The following EFTUD2 variants were observed in gnomAD, a reference collection of about 807,000 sequenced individuals.
The protein encoded by EFTUD2 is elongation factor Tu GTP binding domain containing 2.
Under a neutral mutation model 114.3 loss-of-function variants are expected in EFTUD2, and 9 were observed. The ratio of observed to expected loss-of-function variants is 0.08; its 90% confidence interval spans 0.05 to 0.14. The LOEUF is 0.14. Among genes scored for constraint, EFTUD2 ranks in the 10% least tolerant of loss-of-function variants. The probability of loss-of-function intolerance (pLI) is 1.00; values close to 1 mark genes in which losing one functional copy is unlikely to be tolerated. For missense variants in EFTUD2, 765 were observed against 1,241.2 expected (o/e 0.62, Z 5.76); for synonymous variants, 449 against 462.3 (o/e 0.97, Z 0.37).
At chr17:44,891,769 G>A (rs76096668) in intron 2 of EFTUD2, 8,786 of 152,098 alleles carry the variant, frequency 0.058, 369 homozygotes, top group Middle Eastern at 0.085. Context: ...ACAGAATTGT[G>A]CAACCATCAC....
At chr17:44,867,446 C>A (rs1321556967) in intron 13 of EFTUD2, among the ~76,000 whole-genome samples, 2 of 151,828 alleles carry the variant, frequency 1.3e-5, no homozygotes, top group African/African-American at 4.8e-5. Flanking sequence ...ACTACAGGCG[C>A]CCGCCACCAT....
Position 44,881,862 on chromosome 17 carries a change from C to T in EFTUD2, c.493-140G>A, listed in dbSNP as rs1056802781. The stretch of plus-strand genomic sequence containing the variant: ...AGAGAGAGAGAGCAGGGTGTCCCCA[C>T]AGCAATTACAGACAATGAGACCAGT... On this transcript the variant is annotated intron_variant, in intron 6 of 27. Coordinates refer to ENST00000426333, the MANE Select transcript of EFTUD2 (RefSeq NM_004247.4). The T allele has an allele frequency of 4.3e-5, 31 of 725,304 alleles. No individual in the cohort carries two copies. In the South Asian group the frequency reaches 5.2e-4, roughly 12 times the overall value. The allele number at this position is 725,304 out of a possible 1,614,324, so 44.9% of individuals were successfully genotyped here.
chr17:44,855,035 G>A (rs375605344), intron 20 of EFTUD2, 31 bp from the exon 21 acceptor site: 17 of 1,577,948 alleles, frequency 1.1e-5, no homozygotes, highest in South Asian at 1.0e-4. Flanking sequence ...TGGTAAGGAC[G>A]GCTAACAGAA....
In EFTUD2 at chr17:44,867,899, TA is replaced by T; in HGVS notation, c.1059-3del. 6.3e-7 allele frequency: 1 copy of T among 1,588,890 alleles called. No individual in the cohort carries two copies. The highest frequency in any genetic ancestry group is 8.6e-7 in the Non-Finnish European group (1 of 1,166,646). ...GGGGCCTTTTTGGTGAACTTTCGCC[TA>T]AAAGGAAAAATAAGTTCTGAGTGAC... On this transcript the variant is annotated splice_polypyrimidine_tract_variant and splice_region_variant and intron_variant, in intron 12 of 27. Coordinates refer to ENST00000426333, the MANE Select transcript of EFTUD2 (RefSeq NM_004247.4).
intron 14 of EFTUD2, 117 bp downstream of exon 14, chr17:44,864,813 T>C (rs2050716454): frequency 6.9e-7 from 1 of 1,456,264 alleles, no homozygotes. Flanking sequence ...GAATCTGTGG[T>C]TTGTTGAAAA....
At chr17:44,860,152 C>A in intron 17 of EFTUD2, 107 bp from the exon 18 acceptor site, 1 of 1,508,000 alleles carries the variant, frequency 6.6e-7, no homozygotes, top group South Asian at 1.2e-5. Flanking sequence ...ACTATGTATT[C>A]CCCAACCAGG....
In EFTUD2 at chr17:44,876,069, T is replaced by C. The variant is rs760166112; in HGVS notation, c.734A>G (p.His245Arg). ...VMLNTERLIK[H>R]AVQERLAVTV... ...GACTGCCAGCCTCTCCTGCACCGCA[T>C]GCTTGATCAGCCGCTCTGTGTTCAG... is the stretch of plus-strand genomic sequence containing the variant. Residue 245 changes from histidine (H) to arginine (R), a missense_variant, in exon 10 of 28, where the codon CAT (histidine) becomes CGT (arginine). Physicochemically the swap from His to Arg is conservative, Grantham distance 29. Coordinates refer to ENST00000426333, the MANE Select transcript of EFTUD2 (RefSeq NM_004247.4). 2 of 1,613,966 alleles carry C rather than the reference T, an allele frequency of 1.2e-6. No homozygotes were observed. The highest frequency in any genetic ancestry group is 1.7e-6 in the Non-Finnish European group (2 of 1,179,914).
Position 44,854,177 on chromosome 17 carries a change from G to T in EFTUD2, c.2347+92C>A. 6.9e-7 allele frequency: 1 copy of T among 1,452,164 alleles called. No homozygotes were observed. The highest frequency in any genetic ancestry group is 9.3e-7 in the Non-Finnish European group (1 of 1,074,544). The allele number at this position is 1,452,164 out of a possible 1,614,324, so 90.0% of individuals were successfully genotyped here. On this transcript the variant is annotated intron_variant, in intron 23 of 27. Transcript: ENST00000426333. This position sits in a 1 kb window ranked among gnomAD's most constrained non-coding sequence, Gnocchi z 4.3. ...CTGTGTACCCCAAGCTGCTTCTCCT[G>T]CCGAATCCTAAAGATGGTGAGCCCA...
At chr17:44,858,214 G>T (rs1335182655) in intron 19 of EFTUD2, among the ~76,000 whole-genome samples, 2 of 151,962 alleles carry the variant, frequency 1.3e-5, no homozygotes, top group Non-Finnish European at 2.9e-5. Context: ...GAGCCACCGT[G>T]CTCGGCCTGT....
At chr17:44,867,944 T>A in intron 12 of EFTUD2, 47 bp from the exon 13 acceptor site, 3 of 1,507,128 alleles carry the variant, frequency 2.0e-6, no homozygotes, top group Non-Finnish European at 2.7e-6. Context: ...AAAGGCACTA[T>A]CACTGATCCC....
At chr17:44,880,240 A>T (rs1398577823) in intron 8 of EFTUD2, among the ~76,000 whole-genome samples, 1 of 152,204 alleles carries the variant, frequency 6.6e-6, no homozygotes, top group Admixed American at 6.5e-5. Flanking sequence ...AAGGCCAGGG[A>T]CTGGCTCTGA....
intron 2 of EFTUD2, among the ~76,000 whole-genome samples, chr17:44,890,741 T>A (rs1312672120): frequency 6.6e-6 from 1 of 152,158 alleles, no homozygotes; most frequent in Non-Finnish European, 1.5e-5. Flanking sequence ...ACTAGGAGGC[T>A]ATAACCCTCA....
rs569521856 is a variant in EFTUD2 at position 44,880,397 on chromosome 17, C to A, written c.619+157G>T. 4.7e-5 allele frequency: 26 copies of A among 550,566 alleles called. No homozygotes were observed. The African/African-American group carries it at 4.7e-4, about 10-fold the overall frequency. The allele number at this position is 550,566 out of a possible 1,614,324, so 34.1% of individuals were successfully genotyped here. A position where few individuals can be genotyped will look rare whatever the true frequency, so the allele number is the denominator to read the frequency against. On this transcript the variant is annotated intron_variant, in intron 8 of 27. Coordinates refer to ENST00000426333, the MANE Select transcript of EFTUD2 (RefSeq NM_004247.4). ...TATGATGCTTGCTAAATTAACAAGT[C>A]AGAAACAAAGGAGAGAGTCAAAATG...
chr17:44,869,074 TG>T (rs1279531648), intron 11 of EFTUD2, among the ~76,000 whole-genome samples: 1 of 152,228 alleles, frequency 6.6e-6, no homozygotes, highest in Non-Finnish European at 1.5e-5. Context: ...ATAAAGGGAA[TG>T]CACTGGCTTT....
intron 11 of EFTUD2, among the ~76,000 whole-genome samples, chr17:44,869,567 C>T (rs188170727): frequency 2.0e-5 from 3 of 152,200 alleles, no homozygotes; most frequent in East Asian, 3.9e-4. Flanking sequence ...CCCAAGTGCT[C>T]GGATTACAGG....
intron 2 of EFTUD2, among the ~76,000 whole-genome samples, 183 bp from the exon 3 acceptor site, chr17:44,886,933 G>C (rs1287369256): frequency 1.3e-5 from 2 of 152,128 alleles, no homozygotes; most frequent in Admixed American, 1.3e-4. Context: ...TCTAAGCCGA[G>C]GCCATGGACA....
intron 6 of EFTUD2, 73 bp from the exon 7 acceptor site, chr17:44,881,795 C>T (rs1292591978): frequency 7.3e-7 from 1 of 1,377,070 alleles, no homozygotes; most frequent in East Asian, 2.3e-5. Flanking sequence ...CAATCACTTT[C>T]CCTCACTACC....
chr17:44,851,063 A>T lies in EFTUD2; in HGVS notation c.*211T>A. On this transcript the variant is annotated 3_prime_UTR_variant, in exon 28 of 28. Coordinates refer to ENST00000426333, the MANE Select transcript of EFTUD2 (RefSeq NM_004247.4). ...GCTCCTCTCTTTTCCTTGGGAATGG[A>T]GCCCGGCAGAGGCCACAGAAGGAAG... 1 of 513,258 alleles carries T rather than the reference A, an allele frequency of 1.9e-6. No homozygotes were observed. The highest frequency in any genetic ancestry group is 3.5e-6 in the Non-Finnish European group (1 of 285,072). 31.8% of individuals were successfully genotyped at this position (513,258 alleles called of 1,614,324 possible).
chr17:44,854,417 G>A lies in EFTUD2; in HGVS notation c.2260-61C>T. 6.4e-7 allele frequency: 1 copy of A among 1,572,806 alleles called. No homozygotes were observed. The highest frequency in any genetic ancestry group is 2.2e-5 in the East Asian group (1 of 44,684). On this transcript the variant is annotated intron_variant, in intron 22 of 27. Transcript: ENST00000426333. This position sits in a 1 kb window ranked among gnomAD's most constrained non-coding sequence, Gnocchi z 4.3. ...CTGGCAACGGCTGAAGCATTTAGAG[G>A]GAGAAGACAGATGTGCCTGTAAGGG...
Sources: gnomAD v4.1 joint callset for allele counts (sites outside exome capture counted in the v4.1 genomes callset) on GRCh38, gnomAD v4.1.1 for gene constraint, Gnocchi (gnomAD v3.1) non-coding constraint, MANE v1.5 for transcripts, NCBI Gene and HGNC (gene_info 2026-07-23, HGNC 2026-07-21) for gene names.